The following PTBP2 variants were observed in gnomAD, a reference collection of about 807,000 sequenced individuals.
PTBP2 encodes polypyrimidine tract-binding protein 2.
A neutral mutation model predicts 61.4 loss-of-function variants in PTBP2; 13 were observed. The observed-to-expected ratio is 0.21, with a 90% CI of 0.14 to 0.34. The LOEUF (loss-of-function observed/expected upper bound fraction) is 0.34. PTBP2 is among the 10% of genes least tolerant of loss of function. The pLI, the probability that PTBP2 is intolerant of heterozygous loss-of-function variation, is 1.00. For synonymous variants in PTBP2, 215 were observed against 218.5 expected, an observed-to-expected ratio of 0.98 and a Z score of 0.14; for missense variants, 405 against 642.6, an observed-to-expected ratio of 0.63 and a Z score of 4.00.
intron 5 of PTBP2, among the ~76,000 whole-genome samples, chr1:96,774,282 C>T (rs1657766828): frequency 6.6e-6 from 1 of 152,084 alleles, no homozygotes; most frequent in Non-Finnish European, 1.5e-5. Context: ...TCACCCACTC[C>T]CTCCTCCTGT....
chr1:96,771,250 GA>G (rs1190557039), intron 5 of PTBP2: 1 of 154,754 alleles, frequency 6.5e-6, no homozygotes, highest in Non-Finnish European at 1.4e-5. Flanking sequence ...GGTTTTCCTG[GA>G]AAAGAAATCT....
chr1:96,728,901 T>C (rs1356457655), intron 2 of PTBP2, among the ~76,000 whole-genome samples: 1 of 152,146 alleles, frequency 6.6e-6, no homozygotes, highest in African/African-American at 2.4e-5. Context: ...TGAAGTACTG[T>C]AAATGATATT....
At chr1:96,724,206 C>T (rs888373933) in intron 2 of PTBP2, among the ~76,000 whole-genome samples, 1 of 152,010 alleles carries the variant, frequency 6.6e-6, no homozygotes, top group African/African-American at 2.4e-5. Flanking sequence ...TTAACATTTT[C>T]TTGAGTACTT....
chr1:96,784,966 G>A, intron 7 of PTBP2, 93 bp from the exon 8 acceptor site: 1 of 1,076,060 alleles, frequency 9.3e-7, no homozygotes, highest in African/African-American at 1.7e-5. Context: ...TTAAGTTCGA[G>A]TTTTTGTTGT....
chr1:96,754,790 T>C (rs934844568), intron 3 of PTBP2, among the ~76,000 whole-genome samples: 1 of 152,158 alleles, frequency 6.6e-6, no homozygotes. Flanking sequence ...GCTACAGCAG[T>C]TGGAGCTATC....
At chr1:96,789,803 TC>T (rs1198780209) in intron 8 of PTBP2, among the ~76,000 whole-genome samples, 1 of 152,090 alleles carries the variant, frequency 6.6e-6, no homozygotes, top group Non-Finnish European at 1.5e-5. Context: ...TCTTTTGTGT[TC>T]TAAAGCAAAT....
chr1:96,787,238 T>C (rs777263298), intron 8 of PTBP2, among the ~76,000 whole-genome samples: 22 of 152,206 alleles, frequency 1.4e-4, no homozygotes, highest in Non-Finnish European at 2.2e-4. Flanking sequence ...GCCAGGCTGG[T>C]CTGGAACTCC....
chr1:96,774,462 T>G (rs1382113847), intron 5 of PTBP2, among the ~76,000 whole-genome samples: 1 of 152,220 alleles, frequency 6.6e-6, no homozygotes, highest in African/African-American at 2.4e-5. Flanking sequence ...CAGTGTTTGT[T>G]TATTTTATAT....
chr1:96,816,682 A>G (rs1050405733), downstream of PTBP2: 1 of 152,170 alleles, frequency 6.6e-6, no homozygotes, highest in Non-Finnish European at 1.5e-5. Flanking sequence ...AATTATGGTG[A>G]TTAGCTTAAT....
At chr1:96,819,687 T>C (rs1031595988), downstream of PTBP2, 1 of 151,512 alleles carries the variant, frequency 6.6e-6, no homozygotes, top group African/African-American at 2.4e-5. Flanking sequence ...CTCCCTTTTT[T>C]TGTGGGTTTT....
chr1:96,807,057 A>G (rs1661561410), intron 11 of PTBP2, 99 bp downstream of exon 11: 11 of 830,572 alleles, frequency 1.3e-5, no homozygotes, highest in South Asian at 9.2e-5. Context: ...CATCAGTAAG[A>G]AATTATTTTA....
chr1:96,813,250 C>CT (rs766597803), intron 13 of PTBP2, 26 bp from the exon 14 acceptor site: 13 of 1,579,282 alleles, frequency 8.2e-6, no homozygotes, highest in Non-Finnish European at 1.1e-5. Flanking sequence ...TATGAAGTGT[C>CT]TAATTTTATA....
intron 2 of PTBP2, among the ~76,000 whole-genome samples, chr1:96,743,570 A>G (rs1469923782): frequency 1.3e-5 from 2 of 152,102 alleles, no homozygotes; most frequent in Non-Finnish European, 2.9e-5. Flanking sequence ...TTTTCTGTGT[A>G]TATTAGAATT....
chr1:96,819,729 T>G (rs1237253318), downstream of PTBP2: 2 of 151,586 alleles, frequency 1.3e-5, no homozygotes, highest in South Asian at 2.1e-4. Flanking sequence ...CAGTTTTGTG[T>G]TGTTTTGCTT....
chr1:96,773,750 G>C (rs1657666410), intron 5 of PTBP2, among the ~76,000 whole-genome samples: 1 of 151,762 alleles, frequency 6.6e-6, no homozygotes, highest in South Asian at 2.1e-4. Context: ...GCTGAGGTGG[G>C]CGGATCACGA....
intron 2 of PTBP2, among the ~76,000 whole-genome samples, chr1:96,724,407 C>G (rs564967054): frequency 6.6e-6 from 1 of 151,942 alleles, no homozygotes; most frequent in East Asian, 1.9e-4. Context: ...CGCACCACCA[C>G]GCCCAGCTAA....
chr1:96,732,184 T>A (rs570139612), intron 2 of PTBP2, among the ~76,000 whole-genome samples: 3 of 152,316 alleles, frequency 2.0e-5, no homozygotes, highest in Non-Finnish European at 4.4e-5. Flanking sequence ...TTCATCCTCA[T>A]TGGCTTGCAT....
chr1:96,813,661 C>CTTTTTTTTTTTTTTTTTT lies in PTBP2; in HGVS notation c.*260_*277dup, dbSNP rs66475516. ...TGTTTAAAATTTCAGTTTAATTTTG[C>CTTTTTTTTTTTTTTTTTT]TTTTTTTTTTTTTTTTTTTTTCCTT... On this transcript the variant is annotated 3_prime_UTR_variant, in exon 14 of 14. Coordinates refer to ENST00000674951, the MANE Select transcript of PTBP2 (RefSeq NM_021190.4). 2 of 120,678 alleles carry CTTTTTTTTTTTTTTTTTT rather than the reference C, an allele frequency of 1.7e-5. No homozygotes were observed. Among genetic ancestry groups the CTTTTTTTTTTTTTTTTTT allele is most frequent in the Admixed American group, 9.6e-5 (1 of 10,460 alleles). The allele number at this position is 120,678 out of a possible 1,614,324, so 7.5% of individuals were successfully genotyped here. A position where few individuals can be genotyped will look rare whatever the true frequency, so the allele number is the denominator to read the frequency against.
At chr1:96,762,839 G>C (rs927727827) in intron 3 of PTBP2, among the ~76,000 whole-genome samples, 18 of 150,800 alleles carry the variant, frequency 1.2e-4, no homozygotes, top group South Asian at 6.3e-4. Context: ...GCTGCTGGGC[G>C]GAGGGACTCC....
Sources: gnomAD v4.1 joint callset for allele counts (sites outside exome capture counted in the v4.1 genomes callset) on GRCh38, gnomAD v4.1.1 for gene constraint, MANE v1.5 for transcripts, NCBI Gene and HGNC (gene_info 2026-07-23, HGNC 2026-07-21) for gene names.